Variants in DMD observed in about 807,000 individuals in gnomAD.
The protein encoded by DMD is dystrophin.
DMD carries 63 observed loss-of-function variants against 330.1 expected under a neutral mutation model. The observed-to-expected ratio is 0.19, with a 90% CI of 0.16 to 0.24. DMD has a LOEUF of 0.24. Among genes scored for constraint, DMD ranks in the 10% least tolerant of loss-of-function variants. DMD has a pLI of 1.00. For missense variants in DMD, 3,344 were observed against 2,684.1 expected, an observed-to-expected ratio of 1.25 and a Z score of -5.43; for synonymous variants, 1,223 against 959.8, an observed-to-expected ratio of 1.27 and a Z score of -5.07.
chrX:32,857,578 A>T (rs893785059), intron 2 of DMD, among the ~76,000 whole-genome samples: 1 of 112,294 alleles, frequency 8.9e-6, no homozygotes, highest in Non-Finnish European at 1.9e-5. Context: ...TGAAGAAAAT[A>T]TAGTTAACTG....
intron 7 of DMD, among the ~76,000 whole-genome samples, chrX:32,785,376 G>A (rs2075261543): frequency 9.0e-6 from 1 of 111,096 alleles, no homozygotes; most frequent in Non-Finnish European, 1.9e-5. Context: ...CAAGATTAAA[G>A]TTTGAATTAT....
chrX:31,456,062 T>C (rs748478169), intron 59 of DMD, among the ~76,000 whole-genome samples: 43 of 84,243 alleles, frequency 5.1e-4, no homozygotes, highest in Middle Eastern at 5.4e-3. Flanking sequence ...AGATGATCCC[T>C]CTCTCTCTCT....
At chrX:32,736,954 A>G (rs1342147469) in intron 7 of DMD, among the ~76,000 whole-genome samples, 3 of 110,347 alleles carry the variant, frequency 2.7e-5, no homozygotes, top group East Asian at 2.9e-4. Flanking sequence ...TCAGCAAACC[A>G]AAATGTTTGT....
At chrX:32,550,463 T>C (rs1443832687) in intron 16 of DMD, among the ~76,000 whole-genome samples, 1 of 111,185 alleles carries the variant, frequency 9.0e-6, no homozygotes. Context: ...AGATGTAACA[T>C]ACCAGAATCT....
chrX:32,865,341 G>A (rs2082397478), intron 2 of DMD, among the ~76,000 whole-genome samples: 1 of 111,489 alleles, frequency 9.0e-6, no homozygotes, highest in Admixed American at 9.6e-5. Flanking sequence ...TCGTAAGTAT[G>A]GTGCTGGCAC....
chrX:32,658,563 ATCT>A (rs1306863106), intron 9 of DMD, among the ~76,000 whole-genome samples: 1 of 111,215 alleles, frequency 9.0e-6, no homozygotes, highest in Non-Finnish European at 1.9e-5. Flanking sequence ...ATAGATTGCT[ATCT>A]CCTGATGATG....
intron 60 of DMD, among the ~76,000 whole-genome samples, chrX:31,399,640 T>G (rs1395039367): frequency 2.7e-5 from 3 of 111,424 alleles, no homozygotes; most frequent in Non-Finnish European, 5.7e-5. Context: ...CTATGGATAC[T>G]GACCTGGAGG....
intron 55 of DMD, among the ~76,000 whole-genome samples, chrX:31,611,047 T>C (rs916061061): frequency 6.4e-5 from 7 of 109,635 alleles, no homozygotes; most frequent in African/African-American, 2.3e-4. Flanking sequence ...CATTTCTTTA[T>C]CCTGCAAAAG....
intron 44 of DMD, among the ~76,000 whole-genome samples, chrX:32,151,892 C>T (rs1475051518): frequency 9.0e-6 from 1 of 111,673 alleles, no homozygotes; most frequent in African/African-American, 3.3e-5. Context: ...TCTCTTCCAT[C>T]TTAAAAAAGA....
At chrX:32,406,414 T>C (rs2098117269) in intron 30 of DMD, among the ~76,000 whole-genome samples, 1 of 110,631 alleles carries the variant, frequency 9.0e-6, no homozygotes, top group African/African-American at 3.3e-5. Flanking sequence ...CTTATTATTT[T>C]GAGATTTGTC....
intron 57 of DMD, among the ~76,000 whole-genome samples, chrX:31,480,769 G>C (rs1173725030): frequency 2.7e-5 from 3 of 111,145 alleles, no homozygotes; most frequent in African/African-American, 9.8e-5. Flanking sequence ...TGTGTCAGTG[G>C]TTGTACCTGA....
intron 7 of DMD, among the ~76,000 whole-genome samples, chrX:32,784,042 T>C (rs967085566): frequency 6.4e-5 from 7 of 109,774 alleles, no homozygotes; most frequent in Non-Finnish European, 1.9e-5. Flanking sequence ...CTCATCTGTG[T>C]GTTTAGAGGA....
At chrX:31,234,390 T>G in intron 63 of DMD, among the ~76,000 whole-genome samples, 1 of 112,607 alleles carries the variant, frequency 8.9e-6, no homozygotes, top group East Asian at 2.8e-4. Context: ...CTCCACCTTT[T>G]ACTAATGCAT....
intron 11 of DMD, 25 bp downstream of exon 11, chrX:32,644,107 T>G (rs750126484): frequency 8.5e-7 from 1 of 1,170,172 alleles, no homozygotes; most frequent in South Asian, 1.9e-5. Flanking sequence ...TTAGTCTTCT[T>G]AATTAAAAAC....
intron 2 of DMD, among the ~76,000 whole-genome samples, chrX:32,873,394 C>A (rs1289829623): frequency 9.1e-6 from 1 of 109,952 alleles, no homozygotes; most frequent in African/African-American, 3.3e-5. Context: ...GCCTGTTTCT[C>A]AGACTTTAGT....
chrX:32,454,600 C>T (rs2098347811), intron 26 of DMD, 62 bp downstream of exon 26: 1 of 959,205 alleles, frequency 1.0e-6, no homozygotes, highest in African/African-American at 1.9e-5. Flanking sequence ...AGCATTGTTG[C>T]ATTTCTTTCT....
chrX:31,624,116 T>G (rs1419394794), intron 55 of DMD, among the ~76,000 whole-genome samples: 9 of 112,006 alleles, frequency 8.0e-5, no homozygotes, highest in Non-Finnish European at 1.3e-4. Context: ...ATTACGAATA[T>G]AGTTTTTTTA....
intron 47 of DMD, among the ~76,000 whole-genome samples, chrX:31,914,471 G>GA (rs1196856774): frequency 3.6e-5 from 4 of 111,887 alleles, no homozygotes; most frequent in Admixed American, 9.5e-5. Flanking sequence ...CCAAGGTTTG[G>GA]AAAAAATTTA....
chrX:32,481,739 G>A (rs1366925158), intron 21 of DMD, among the ~76,000 whole-genome samples: 3 of 111,604 alleles, frequency 2.7e-5, no homozygotes, highest in African/African-American at 6.5e-5. Flanking sequence ...GGTTTCAGAC[G>A]CCAAAGTAAT....
Sources: allele counts gnomAD v4.1 joint callset (sites outside exome capture counted in the v4.1 genomes callset), GRCh38; gene constraint gnomAD v4.1.1; transcripts MANE v1.5; gene names NCBI Gene and HGNC (gene_info 2026-07-23, HGNC 2026-07-21).